The following FCHSD2 variants were observed in gnomAD, a reference collection of about 807,000 sequenced individuals.
FCHSD2 encodes FCH and double SH3 domains 2.
FCHSD2 carries 38 observed loss-of-function variants against 108.1 expected under a neutral mutation model. That is an observed-to-expected ratio of 0.35 (90% CI 0.27 to 0.46). The LOEUF (loss-of-function observed/expected upper bound fraction) is 0.46. Ranked by LOEUF, FCHSD2 falls within the 20% of genes least tolerant of loss-of-function variation. FCHSD2 has a pLI of 1.00. For synonymous variants in FCHSD2, 279 were observed against 314.7 expected, an observed-to-expected ratio of 0.89 and a Z score of 1.20; for missense variants, 751 against 897.8, an observed-to-expected ratio of 0.84 and a Z score of 2.09.
At chr11:72,849,910 T>C (rs202144556) in intron 13 of FCHSD2, 21 bp from the exon 14 acceptor site, 37 of 1,598,700 alleles carry the variant, frequency 2.3e-5, no homozygotes, top group South Asian at 3.4e-5. Context: ...TTAGAAACCA[T>C]TGGCTAGTTT....
At chr11:73,139,669 T>A (rs1037415284) in intron 2 of FCHSD2, among the ~76,000 whole-genome samples, 2 of 152,244 alleles carry the variant, frequency 1.3e-5, no homozygotes, top group Admixed American at 6.5e-5. Flanking sequence ...TATTAACCAT[T>A]AACCACAAGT....
intron 8 of FCHSD2, among the ~76,000 whole-genome samples, chr11:72,956,355 T>C (rs939101881): frequency 6.6e-6 from 1 of 152,124 alleles, no homozygotes; most frequent in Non-Finnish European, 1.5e-5. Context: ...GAGGGTTTCA[T>C]CAAAGTATGC....
At chr11:72,886,169 C>T (rs1186355796) in intron 12 of FCHSD2, among the ~76,000 whole-genome samples, 1 of 152,152 alleles carries the variant, frequency 6.6e-6, no homozygotes, top group Non-Finnish European at 1.5e-5. Context: ...CTGAAAGATG[C>T]TTGCCCAGAA....
chr11:72,945,475 G>A (rs1225613094), intron 8 of FCHSD2, among the ~76,000 whole-genome samples: 1 of 152,150 alleles, frequency 6.6e-6, no homozygotes, highest in Non-Finnish European at 1.5e-5. Context: ...ATACCATTCA[G>A]GACATAGGCA....
At chr11:72,978,859 T>TC (rs1346665405) in intron 8 of FCHSD2, among the ~76,000 whole-genome samples, 2 of 145,572 alleles carry the variant, frequency 1.4e-5, no homozygotes, top group African/African-American at 5.1e-5. Flanking sequence ...TCTTTCTTTT[T>TC]TTTTTTTTTT....
At chr11:73,068,575 A>T (rs1859352117) in intron 3 of FCHSD2, among the ~76,000 whole-genome samples, 1 of 152,108 alleles carries the variant, frequency 6.6e-6, no homozygotes, top group African/African-American at 2.4e-5. Flanking sequence ...TCCTTTATAT[A>T]TTTTTGGTTT....
chr11:72,880,710 G>A (rs547276478), intron 12 of FCHSD2, among the ~76,000 whole-genome samples: 92 of 151,934 alleles, frequency 6.1e-4, no homozygotes, highest in Non-Finnish European at 1.1e-3. Context: ...GAGCCCAGGA[G>A]TTCGAGACCA....
At chr11:73,096,314 G>T (rs1318072886) in intron 2 of FCHSD2, among the ~76,000 whole-genome samples, 1 of 150,878 alleles carries the variant, frequency 6.6e-6, no homozygotes, top group Non-Finnish European at 1.5e-5. Context: ...GCCAAGGCAG[G>T]TGGATCACTT....
chr11:72,900,252 T>C, intron 10 of FCHSD2: 2 of 603,160 alleles, frequency 3.3e-6, no homozygotes, highest in Non-Finnish European at 2.9e-6. Context: ...CCACACCCCA[T>C]ATACCTCAGC....
intron 9 of FCHSD2, among the ~76,000 whole-genome samples, chr11:72,918,085 A>C (rs1394053386): frequency 6.6e-6 from 1 of 152,178 alleles, no homozygotes; most frequent in Non-Finnish European, 1.5e-5. Flanking sequence ...GCAATGTTTT[A>C]TAGTTTTCAG....
At chr11:73,090,427 G>A (rs1281916775) in intron 2 of FCHSD2, among the ~76,000 whole-genome samples, 5 of 151,840 alleles carry the variant, frequency 3.3e-5, no homozygotes, top group African/African-American at 9.7e-5. Context: ...GGGTTTCACC[G>A]TTTTAGCCGG....
intron 3 of FCHSD2, among the ~76,000 whole-genome samples, chr11:73,047,922 A>G (rs2135471834): frequency 6.6e-6 from 1 of 152,310 alleles, no homozygotes; most frequent in African/African-American, 2.4e-5. Flanking sequence ...CAATATGCAG[A>G]GGGGGAAATG....
At chr11:72,842,897 G>A in intron 16 of FCHSD2, 56 bp from the exon 17 acceptor site, 2 of 1,361,754 alleles carry the variant, frequency 1.5e-6, no homozygotes, top group East Asian at 2.3e-5. Flanking sequence ...GGTTGCTTTT[G>A]CAACCACCCC....
At chr11:72,976,205 A>G (rs1202076271) in intron 8 of FCHSD2, among the ~76,000 whole-genome samples, 1 of 152,262 alleles carries the variant, frequency 6.6e-6, no homozygotes, top group African/African-American at 2.4e-5. Context: ...TATCTGCTCT[A>G]GTAACTACTG....
At chr11:73,065,946 T>G (rs935062043) in intron 3 of FCHSD2, among the ~76,000 whole-genome samples, 15 of 152,124 alleles carry the variant, frequency 9.9e-5, no homozygotes, top group Admixed American at 8.5e-4. Flanking sequence ...ATTTATAGAT[T>G]CAATGCTATC....
chr11:73,066,532 G>A (rs989318810), intron 3 of FCHSD2, among the ~76,000 whole-genome samples: 1 of 151,908 alleles, frequency 6.6e-6, no homozygotes, highest in Admixed American at 6.6e-5. Context: ...CACAGCAAAA[G>A]AAACTATCAT....
chr11:73,067,766 T>C (rs939570145), intron 3 of FCHSD2, among the ~76,000 whole-genome samples: 3 of 152,232 alleles, frequency 2.0e-5, no homozygotes, highest in South Asian at 2.1e-4. Context: ...ATTCCAGCAA[T>C]TGAAATACAA....
intron 3 of FCHSD2, among the ~76,000 whole-genome samples, chr11:73,041,271 T>C (rs1387025773): frequency 2.0e-5 from 3 of 152,172 alleles, no homozygotes; most frequent in South Asian, 4.1e-4. Flanking sequence ...GATCATACGG[T>C]AGTTCTATTT....
chr11:73,074,456 T>C (rs1281980552), intron 3 of FCHSD2, among the ~76,000 whole-genome samples: 1 of 152,172 alleles, frequency 6.6e-6, no homozygotes, highest in East Asian at 1.9e-4. Context: ...TACGAAAATT[T>C]ACTTCAGAAA....
Sources: allele counts gnomAD v4.1 joint callset (sites outside exome capture counted in the v4.1 genomes callset), GRCh38; gene constraint gnomAD v4.1.1; transcripts MANE v1.5; gene names NCBI Gene and HGNC (gene_info 2026-07-23, HGNC 2026-07-21).